Variants in TMEM74 observed in about 807,000 individuals in gnomAD.
The protein encoded by TMEM74 is transmembrane protein 74.
Under a neutral mutation model 18.1 loss-of-function variants are expected in TMEM74, and 13 were observed. The observed-to-expected ratio is 0.72, with a 90% CI of 0.47 to 1.14. The LOEUF is 1.14. Among genes scored for constraint, TMEM74 ranks in the 50% most tolerant of loss-of-function variants. The pLI is 0.00. For missense variants in TMEM74, 372 were observed against 375.9 expected (o/e 0.99, Z 0.09); for synonymous variants, 159 against 146.6 (o/e 1.08, Z -0.61).
chr8:108,663,952 C>A lies in TMEM74; in HGVS notation n.120-8515G>T, dbSNP rs533634798. On this transcript the variant is annotated intron_variant and non_coding_transcript_variant, in intron 1 of 3. Transcript: ENST00000518838. ...TCAGAGGAAACAACACACACTGGGGCCTCTCAGGTTGAGCAGAGGGAGGGA... is the reference window on the plus strand; with the variant it reads ...TCAGAGGAAACAACACACACTGGGGACTCTCAGGTTGAGCAGAGGGAGGGA... Among the ~76,000 whole-genome samples, 321 of 152,120 alleles carry A rather than the reference C, an allele frequency of 2.1e-3. 1 individual carries two copies. Among genetic ancestry groups the A allele is most frequent in the Admixed American group, 5.0e-3 (76 of 15,266 alleles).
At chr8:108,712,801 CA>C (rs949710076) in intron 1 of TMEM74, among the ~76,000 whole-genome samples, 1 of 152,026 alleles carries the variant, frequency 6.6e-6, no homozygotes, top group African/African-American at 2.4e-5. Flanking sequence ...AATCTATTGC[CA>C]AAATCCCAGA....
intron 1 of TMEM74, among the ~76,000 whole-genome samples, chr8:108,674,067 G>A (rs1813030250): frequency 6.6e-6 from 1 of 152,106 alleles, no homozygotes; most frequent in African/African-American, 2.4e-5. Context: ...ACTGATGCCT[G>A]GAGTTGACAA....
intron 2 of TMEM74, among the ~76,000 whole-genome samples, chr8:108,629,117 A>C (rs955347998): frequency 1.3e-5 from 2 of 151,988 alleles, no homozygotes; most frequent in Non-Finnish European, 2.9e-5. Context: ...AACTAGAATA[A>C]CCAGTTTAGA....
Position 108,779,811 on chromosome 8 carries a change from CTT to C in TMEM74, c.*4368_*4369del, listed in dbSNP as rs1814280712. Among the ~76,000 whole-genome samples the C allele has an allele frequency of 6.6e-6, 1 of 152,160 alleles. No homozygotes were observed. On this transcript the variant is annotated 3_prime_UTR_variant, in exon 2 of 2. Transcript: ENST00000297459. ...CACAAACATAAACCACGAGTACACT[CTT>C]GAGTGTAAGCCACAGATTCTTGAAA...
At chr8:108,742,068 T>C (rs1220974775) in intron 1 of TMEM74, among the ~76,000 whole-genome samples, 1 of 152,120 alleles carries the variant, frequency 6.6e-6, no homozygotes, top group Admixed American at 6.6e-5. Flanking sequence ...ATACTGCATG[T>C]TCTCCCTTCT....
chr8:108,720,336 C>T (rs1271690543), intron 1 of TMEM74, among the ~76,000 whole-genome samples: 1 of 152,146 alleles, frequency 6.6e-6, no homozygotes, highest in African/African-American at 2.4e-5. Flanking sequence ...TCTGTGAGCA[C>T]AGCAATGAGA....
chr8:108,686,465 G>A (rs1301871479), intron 1 of TMEM74, among the ~76,000 whole-genome samples: 1 of 151,948 alleles, frequency 6.6e-6, no homozygotes, highest in African/African-American at 2.4e-5. Flanking sequence ...GCCTCCCAAA[G>A]TGCTGAGATT....
intron 1 of TMEM74, among the ~76,000 whole-genome samples, chr8:108,762,190 T>C (rs1489907522): frequency 2.6e-5 from 4 of 152,158 alleles, no homozygotes. Flanking sequence ...GACTATCATC[T>C]CCATTTCTCC....
chr8:108,773,753 A>C (rs1343095817), intron 1 of TMEM74, among the ~76,000 whole-genome samples: 1 of 152,166 alleles, frequency 6.6e-6, no homozygotes, highest in East Asian at 1.9e-4. Flanking sequence ...TCCTGCCAAC[A>C]GCCAGCACAA....
downstream of TMEM74, among the ~76,000 whole-genome samples, chr8:108,776,593 T>C (rs1236380033): frequency 2.6e-5 from 4 of 152,236 alleles, no homozygotes; most frequent in Non-Finnish European, 5.9e-5. Context: ...GATATTTACA[T>C]ACCATACTCC....
At chr8:108,608,135 C>T (rs749429921) in intron 3 of TMEM74, among the ~76,000 whole-genome samples, 2 of 151,798 alleles carry the variant, frequency 1.3e-5, no homozygotes, top group Non-Finnish European at 2.9e-5. Flanking sequence ...AACTCCATCG[C>T]TACTAAAAAT....
At chr8:108,690,652 A>G (rs2130606977) in intron 1 of TMEM74, among the ~76,000 whole-genome samples, 1 of 151,862 alleles carries the variant, frequency 6.6e-6, no homozygotes, top group East Asian at 1.9e-4. Flanking sequence ...CGTCTCTACT[A>G]AAAAAATAAA....
chr8:108,709,467 T>C (rs1392629453), intron 1 of TMEM74, among the ~76,000 whole-genome samples: 1 of 152,156 alleles, frequency 6.6e-6, no homozygotes, highest in Non-Finnish European at 1.5e-5. Context: ...ACATGAGGTA[T>C]CTAATATAGT....
intron 1 of TMEM74, among the ~76,000 whole-genome samples, chr8:108,665,973 T>C (rs1812945273): frequency 6.6e-6 from 1 of 152,190 alleles, no homozygotes; most frequent in Non-Finnish European, 1.5e-5. Context: ...AGTAAATATT[T>C]TGATTTACTT....
intron 1 of TMEM74, among the ~76,000 whole-genome samples, chr8:108,757,776 C>T (rs1813994696): frequency 6.6e-6 from 1 of 151,944 alleles, no homozygotes; most frequent in African/African-American, 2.4e-5. Flanking sequence ...ATGAAGTCTT[C>T]TTCACCTCCC....
chr8:108,620,442 T>C lies in TMEM74; in HGVS notation n.265-11616A>G, dbSNP rs1031021634. On this transcript the variant is annotated intron_variant and non_coding_transcript_variant, in intron 2 of 3. Transcript: ENST00000518838. ...GGATATGGGTAGGGATGGAAAGATA[T>C]TTATTAAACACCTGTCAGCAACTTT... is the stretch of plus-strand genomic sequence containing the variant. Among the ~76,000 whole-genome samples, 8 of 152,244 alleles carry C rather than the reference T, an allele frequency of 5.3e-5. No individual in the cohort carries two copies. In the South Asian group the frequency reaches 1.7e-3, roughly 32 times the overall value.
At chr8:108,774,582 ACGTCACTT>A (rs1303111533), downstream of TMEM74, among the ~76,000 whole-genome samples, 4 of 152,302 alleles carry the variant, frequency 2.6e-5, no homozygotes, top group African/African-American at 9.6e-5. Context: ...GAGGTAACTC[ACGTCACTT>A]TGCTCACATT....
At chr8:108,607,497 C>T (rs1367568341) in exon 4 of TMEM74, 1 of 152,166 alleles carries the variant, frequency 6.6e-6, no homozygotes. Context: ...CTCTGGTCCA[C>T]CTGATAACTA....
chr8:108,767,377 C>G (rs931353695), intron 1 of TMEM74, among the ~76,000 whole-genome samples: 1 of 152,150 alleles, frequency 6.6e-6, no homozygotes, highest in Admixed American at 6.6e-5. Context: ...CAAAAAGCAA[C>G]CTACTTGAGC....
Sources: gnomAD v4.1 joint callset for allele counts (sites outside exome capture counted in the v4.1 genomes callset) on GRCh38, gnomAD v4.1.1 for gene constraint, MANE v1.5 for transcripts, NCBI Gene and HGNC (gene_info 2026-07-23, HGNC 2026-07-21) for gene names.